The following CACNB4 variants were observed in gnomAD, a reference collection of about 807,000 sequenced individuals.
The protein encoded by CACNB4 is voltage-dependent L-type calcium channel subunit beta-4.
In CACNB4, 32 loss-of-function variants were observed where a neutral mutation model predicts 71.2. That is an observed-to-expected ratio of 0.45 (90% CI 0.34 to 0.60). CACNB4 has a LOEUF of 0.60. Ranked by LOEUF, CACNB4 falls within the 20% of genes least tolerant of loss-of-function variation. The pLI is 0.01. For synonymous variants in CACNB4, 231 were observed against 236.9 expected, an observed-to-expected ratio of 0.97 and a Z score of 0.23; for missense variants, 464 against 647.9, an observed-to-expected ratio of 0.72 and a Z score of 3.08.
intron 2 of CACNB4, among the ~76,000 whole-genome samples, chr2:152,087,277 CA>C (rs1489981951): frequency 1.0e-4 from 15 of 148,630 alleles, no homozygotes; most frequent in Non-Finnish European, 7.5e-5. Flanking sequence ...ACTAAAAATA[CA>C]AAAATTAGCC....
chr2:151,859,855 G>A (rs949572559), intron 10 of CACNB4: 1 of 152,180 alleles, frequency 6.6e-6, no homozygotes, highest in Admixed American at 6.5e-5. Context: ...GGTTCTTAAT[G>A]TGATGTTAGG....
chr2:151,967,736 T>C (rs768233889), intron 2 of CACNB4: 1 of 151,848 alleles, frequency 6.6e-6, no homozygotes, highest in Non-Finnish European at 1.5e-5. Context: ...CCAATCTCCA[T>C]GTCTGAGTGG....
At chr2:151,918,059 A>G (rs1031612732) in intron 2 of CACNB4, among the ~76,000 whole-genome samples, 5 of 152,028 alleles carry the variant, frequency 3.3e-5, no homozygotes, top group East Asian at 3.9e-4. Context: ...GCTGGGGGGG[A>G]AAAGGGTGCT....
At chr2:151,945,863 T>C (rs368566112) in intron 2 of CACNB4, among the ~76,000 whole-genome samples, 3 of 118,768 alleles carry the variant, frequency 2.5e-5, no homozygotes, top group African/African-American at 1.0e-4. Flanking sequence ...TGGAGCAAGA[T>C]GACCCTGTCT....
chr2:151,887,954 A>T (rs536066843), intron 2 of CACNB4, among the ~76,000 whole-genome samples: 79 of 152,148 alleles, frequency 5.2e-4, no homozygotes, highest in South Asian at 1.2e-3. Flanking sequence ...TTCTTTTTTT[A>T]AAAAAATGGC....
rs1688436929 is a variant in CACNB4, at chr2:152,098,871, G to A, written c.63+78C>T. On this transcript the variant is annotated intron_variant, in intron 1 of 13. Transcript: ENST00000539935. This position sits in a 1 kb window ranked among gnomAD's most constrained non-coding sequence, Gnocchi z 5.3. ...GGGGCCCCGCACGCCCGGCACGAAG[G>A]CGGGGCGCGCTAGGGCGGCGGAGGA... The A allele has an allele frequency of 3.3e-6, 4 of 1,195,756 alleles. No individual in the cohort carries two copies. Among genetic ancestry groups the A allele is most frequent in the East Asian group, 2.6e-5 (1 of 37,996 alleles). 74.1% of individuals were successfully genotyped at this position (1,195,756 alleles called of 1,614,324 possible). A position where few individuals can be genotyped will look rare whatever the true frequency, so the allele number is the denominator to read the frequency against.
rs888873927 is a variant in CACNB4 at position 151,937,311 on chromosome 2, TTTTTAAGTGTTAGAG to T, written c.148-53956_148-53942del. 1.6e-4 allele frequency among the ~76,000 whole-genome samples: 24 copies of T among 152,194 alleles called. 1 individual carries two copies. Among genetic ancestry groups the T allele is most frequent in the Non-Finnish European group, 3.1e-4 (21 of 68,040 alleles). Reference sequence around the variant, plus strand: ...AAGCTCTACCATTGGTGAAGTATTCTTTTTAAGTGTTAGAGTTTCATTTAATGCTGCCTTACACTA... The same window carrying T: ...AAGCTCTACCATTGGTGAAGTATTCTTTTCATTTAATGCTGCCTTACACTA... On this transcript the variant is annotated intron_variant, in intron 2 of 13. Coordinates refer to ENST00000539935, the MANE Select transcript of CACNB4 (RefSeq NM_000726.5).
At chr2:151,876,119 A>G (rs915791336) in intron 5 of CACNB4, among the ~76,000 whole-genome samples, 3 of 152,108 alleles carry the variant, frequency 2.0e-5, no homozygotes, top group African/African-American at 2.4e-5. Flanking sequence ...CTGCTGGTTC[A>G]GGTCAGCTCC....
intron 12 of CACNB4, chr2:151,851,914 A>G (rs1007464710): frequency 1.3e-5 from 2 of 152,208 alleles, no homozygotes; most frequent in African/African-American, 4.8e-5. Context: ...GGGCTGGGCA[A>G]TACATTCCTC....
rs1199492042 is a variant in CACNB4, at chr2:152,098,237, G to A, written c.147+93C>T. The A allele has an allele frequency of 4.1e-6, 4 of 980,396 alleles. No homozygotes were observed. Among genetic ancestry groups the A allele is most frequent in the Admixed American group, 3.7e-5 (2 of 54,406 alleles). The allele number at this position is 980,396 out of a possible 1,614,324, so 60.7% of individuals were successfully genotyped here. ...GAGACGCGCGCGGGCTTGACCCGCA[G>A]CTCCCGCACGTGTGGGCCACGGCCG... On this transcript the variant is annotated intron_variant, in intron 2 of 13. Coordinates refer to ENST00000539935, the MANE Select transcript of CACNB4 (RefSeq NM_000726.5). This position sits in a 1 kb window ranked among gnomAD's most constrained non-coding sequence, Gnocchi z 5.3.
At chr2:151,871,087 C>T (rs534775458) in intron 6 of CACNB4, 14 of 560,236 alleles carry the variant, frequency 2.5e-5, no homozygotes, top group Non-Finnish European at 4.4e-5. Flanking sequence ...GACCTTATAT[C>T]CTGATTTCTC....
intron 10 of CACNB4, 157 bp downstream of exon 10, chr2:151,860,554 C>A: frequency 1.5e-6 from 1 of 653,322 alleles, no homozygotes; most frequent in South Asian, 1.8e-5. Flanking sequence ...CTGCAAGACT[C>A]TGCTGCCTTC....
At chr2:151,898,555 A>C (rs2099852633) in intron 2 of CACNB4, among the ~76,000 whole-genome samples, 1 of 152,214 alleles carries the variant, frequency 6.6e-6, no homozygotes, top group African/African-American at 2.4e-5. Flanking sequence ...TGGCCAAAGG[A>C]TGCCCTTTTG....
chr2:151,843,101 G>A (rs140180590), intron 12 of CACNB4, among the ~76,000 whole-genome samples: 206 of 152,226 alleles, frequency 1.4e-3, no homozygotes, highest in African/African-American at 4.6e-3. Flanking sequence ...TCCACGTTTC[G>A]GACAGTAAGG....
intron 12 of CACNB4, among the ~76,000 whole-genome samples, chr2:151,842,768 A>G (rs2099836549): frequency 6.6e-6 from 1 of 152,232 alleles, no homozygotes; most frequent in Non-Finnish European, 1.5e-5. Context: ...ACTTTGGAAT[A>G]TGAGAGAAGC....
At chr2:151,964,344 G>A (rs1361502115) in intron 2 of CACNB4, among the ~76,000 whole-genome samples, 1 of 152,120 alleles carries the variant, frequency 6.6e-6, no homozygotes, top group Non-Finnish European at 1.5e-5. Flanking sequence ...TTGCTTGTAA[G>A]TACATTTTTC....
At chr2:151,999,764 C>A (rs1682293817) in intron 2 of CACNB4, among the ~76,000 whole-genome samples, 1 of 150,442 alleles carries the variant, frequency 6.6e-6, no homozygotes, top group African/African-American at 2.5e-5. Context: ...ACTAACCCAA[C>A]TCCAGGACAT....
intron 6 of CACNB4, chr2:151,872,043 A>T (rs2099844772): frequency 3.7e-6 from 1 of 266,972 alleles, no homozygotes; most frequent in Non-Finnish European, 7.2e-6. Context: ...CCACATGGAG[A>T]CTGAAAACAG....
intron 2 of CACNB4, chr2:151,971,363 G>A (rs2099872500): frequency 8.1e-6 from 5 of 613,830 alleles, no homozygotes; most frequent in South Asian, 7.8e-5. Context: ...CAACAGCACA[G>A]AACGGTAGGA....
Sources: gnomAD v4.1 joint callset for allele counts (sites outside exome capture counted in the v4.1 genomes callset) on GRCh38, gnomAD v4.1.1 for gene constraint, Gnocchi (gnomAD v3.1) non-coding constraint, MANE v1.5 for transcripts, NCBI Gene and HGNC (gene_info 2026-07-23, HGNC 2026-07-21) for gene names.